The following CNTN4 variants were observed in gnomAD, a reference collection of about 807,000 sequenced individuals.
CNTN4 encodes contactin-4.
A neutral mutation model predicts 122.5 loss-of-function variants in CNTN4; 77 were observed. The ratio of observed to expected loss-of-function variants is 0.63; its 90% CI spans 0.52 to 0.76. The LOEUF (loss-of-function observed/expected upper bound fraction) is 0.76. Ranked by LOEUF, CNTN4 falls within the 30% of genes least tolerant of loss-of-function variation. The pLI, the probability that CNTN4 is intolerant of heterozygous loss-of-function variation, is 0.00. For synonymous variants in CNTN4, 512 were observed against 447.0 expected (o/e 1.15, Z -1.83); for missense variants, 1,256 against 1,259.1 (o/e 1.00, Z 0.04).
chr3:2,265,513 T>G lies in CNTN4; in HGVS notation c.-144-73665T>G, dbSNP rs149373349. On this transcript the variant is annotated intron_variant, in intron 2 of 24. Transcript: ENST00000418658. ...TAGTATGATGCCTCTGCCTCCAGCT[T>G]TATTCTTTTTGCTCAGAATTGCTTT... is the stretch of plus-strand genomic sequence containing the variant. Among the ~76,000 whole-genome samples the G allele has an allele frequency of 2.9e-3, 448 of 152,230 alleles. 2 individuals carry two copies. In the East Asian group the frequency reaches 0.03, roughly 10 times the overall value.
intron 3 of CNTN4, among the ~76,000 whole-genome samples, chr3:2,412,588 C>T (rs140660249): frequency 2.6e-5 from 4 of 152,210 alleles, no homozygotes; most frequent in South Asian, 4.1e-4. Context: ...GGTGTACCCA[C>T]GTGGGGTTGT....
At chr3:2,920,607 C>T (rs181757802) in intron 12 of CNTN4, among the ~76,000 whole-genome samples, 6 of 152,110 alleles carry the variant, frequency 3.9e-5, no homozygotes, top group East Asian at 1.9e-4. Context: ...ATGTGTTTCT[C>T]GGACTCTAAG....
chr3:2,781,731 T>C (rs1312577547), intron 6 of CNTN4, among the ~76,000 whole-genome samples: 1 of 140,998 alleles, frequency 7.1e-6, no homozygotes, highest in Non-Finnish European at 1.5e-5. Context: ...TTTTTTTTTT[T>C]TTTTTTTTTT....
At chr3:2,597,681 C>T (rs1210136185) in intron 4 of CNTN4, among the ~76,000 whole-genome samples, 2 of 152,232 alleles carry the variant, frequency 1.3e-5, no homozygotes, top group Admixed American at 1.3e-4. Flanking sequence ...GGAGTACAGA[C>T]TTCAACTGAA....
chr3:2,950,627 A>G (rs1019969577), intron 13 of CNTN4, among the ~76,000 whole-genome samples: 2 of 152,232 alleles, frequency 1.3e-5, no homozygotes, highest in African/African-American at 2.4e-5. Context: ...AAGCTGAGAA[A>G]GAATAGAGAA....
At chr3:2,665,929 G>C (rs2084133088) in intron 4 of CNTN4, among the ~76,000 whole-genome samples, 1 of 152,164 alleles carries the variant, frequency 6.6e-6, no homozygotes, top group Non-Finnish European at 1.5e-5. Flanking sequence ...GCATTGCCTT[G>C]ATTAGTCAAA....
intron 8 of CNTN4, among the ~76,000 whole-genome samples, chr3:2,876,474 T>A (rs1411490708): frequency 6.6e-6 from 1 of 152,204 alleles, no homozygotes; most frequent in African/African-American, 2.4e-5. Context: ...TGCCTTTTTT[T>A]TTCAGGAGAA....
At chr3:2,479,244 T>C (rs1349598934) in intron 3 of CNTN4, among the ~76,000 whole-genome samples, 2 of 152,216 alleles carry the variant, frequency 1.3e-5, no homozygotes, top group Non-Finnish European at 2.9e-5. Flanking sequence ...CCTTTTATCT[T>C]TTTGACCCAG....
intron 7 of CNTN4, among the ~76,000 whole-genome samples, chr3:2,846,124 C>T (rs1213146249): frequency 6.6e-6 from 1 of 152,120 alleles, no homozygotes; most frequent in Non-Finnish European, 1.5e-5. Context: ...TGGAGAAATC[C>T]TGTAGTAAAG....
chr3:2,338,689 T>G, intron 2 of CNTN4, among the ~76,000 whole-genome samples: 1 of 152,122 alleles, frequency 6.6e-6, no homozygotes, highest in East Asian at 1.9e-4. Flanking sequence ...AATTAAAGTT[T>G]AAGTCGGTAG....
At chr3:2,611,525 G>A (rs973100063) in intron 4 of CNTN4, among the ~76,000 whole-genome samples, 4 of 152,136 alleles carry the variant, frequency 2.6e-5, no homozygotes, top group African/African-American at 4.8e-5. Context: ...TGGGAGAGCC[G>A]TTGTGTGAAT....
chr3:2,412,734 G>A (rs572601521), intron 3 of CNTN4, among the ~76,000 whole-genome samples: 3 of 151,980 alleles, frequency 2.0e-5, no homozygotes, highest in Admixed American at 1.3e-4. Flanking sequence ...TGCATCATAC[G>A]TATATACCTT....
chr3:2,346,539 A>AT (rs539945140), intron 3 of CNTN4, among the ~76,000 whole-genome samples: 2 of 151,968 alleles, frequency 1.3e-5, no homozygotes, highest in Non-Finnish European at 2.9e-5. Context: ...AAACTCTCTA[A>AT]TTTTTTTGTA....
chr3:2,841,655 T>G lies in CNTN4; in HGVS notation c.454+22074T>G. Among the ~76,000 whole-genome samples the G allele has an allele frequency of 6.6e-6, 1 of 152,186 alleles. No individual in the cohort carries two copies. Reference sequence around the variant, plus strand: ...TAATTTTTTGTGGGTCAGAGGCTCTTTGTTATATGGTAGAAGTATAGTCCG... The same window carrying G: ...TAATTTTTTGTGGGTCAGAGGCTCTGTGTTATATGGTAGAAGTATAGTCCG... On this transcript the variant is annotated intron_variant, in intron 7 of 24. Transcript: ENST00000418658. This position sits in a 1 kb window ranked among gnomAD's most constrained non-coding sequence, Gnocchi z 4.8.
At position 2,566,037 on chromosome 3, in the gene CNTN4, C is replaced by T. The variant is rs144921741; in HGVS notation, c.-88-5379C>T. Among the ~76,000 whole-genome samples, 85 of 152,304 alleles carry T rather than the reference C, an allele frequency of 5.6e-4. 1 individual carries two copies. The highest frequency in any genetic ancestry group is 1.8e-3 in the African/African-American group (76 of 41,572). Reference sequence around the variant, plus strand: ...GACTTCTGAATTAACACTAGTGAAACGTAGCCTTCCGACAAAGTCTCAGCT... The same window carrying T: ...GACTTCTGAATTAACACTAGTGAAATGTAGCCTTCCGACAAAGTCTCAGCT... On this transcript the variant is annotated intron_variant, in intron 3 of 24. Transcript: ENST00000418658.
intron 3 of CNTN4, chr3:2,362,719 G>A (rs2045208784): frequency 1.5e-5 from 5 of 340,758 alleles, no homozygotes; most frequent in South Asian, 1.2e-4. Flanking sequence ...CTTGGGAGCT[G>A]ACAGCTCCAG....
At chr3:2,989,251 G>A (rs935426368) in intron 14 of CNTN4, among the ~76,000 whole-genome samples, 28 of 152,174 alleles carry the variant, frequency 1.8e-4, no homozygotes, top group African/African-American at 7.2e-5. Flanking sequence ...TTTGACTGAA[G>A]AAGATGAGGC....
intron 3 of CNTN4, among the ~76,000 whole-genome samples, chr3:2,530,768 G>C (rs2077569613): frequency 1.3e-5 from 2 of 152,078 alleles, no homozygotes; most frequent in Non-Finnish European, 2.9e-5. Flanking sequence ...TTGAGAAAAT[G>C]TTCTTAAAAG....
chr3:2,659,723 G>C (rs1489882200), intron 4 of CNTN4, among the ~76,000 whole-genome samples: 1 of 151,944 alleles, frequency 6.6e-6, no homozygotes, highest in Non-Finnish European at 1.5e-5. Context: ...CTTTTCATTT[G>C]TTATGCTTTA....
Sources: gnomAD v4.1 joint callset for allele counts (sites outside exome capture counted in the v4.1 genomes callset) on GRCh38, gnomAD v4.1.1 for gene constraint, Gnocchi (gnomAD v3.1) non-coding constraint, MANE v1.5 for transcripts, NCBI Gene and HGNC (gene_info 2026-07-23, HGNC 2026-07-21) for gene names.